The following NRG2 variants were observed in gnomAD, a reference collection of about 807,000 sequenced individuals.
NRG2 encodes the protein pro-neuregulin-2, membrane-bound isoform.
Under a neutral mutation model 73.9 loss-of-function variants are expected in NRG2, and 27 were observed. That is an observed-to-expected ratio of 0.37 (90% CI 0.27 to 0.50). NRG2 has a LOEUF of 0.50. Among genes scored for constraint, NRG2 ranks in the 20% least tolerant of loss-of-function variants. NRG2 has a pLI of 0.96. For synonymous variants in NRG2, 532 were observed against 541.0 expected, an observed-to-expected ratio of 0.98 and a Z score of 0.23; for missense variants, 1,126 against 1,210.1, an observed-to-expected ratio of 0.93 and a Z score of 1.03.
At chr5:139,942,502 T>C (rs1422721463) in intron 1 of NRG2, among the ~76,000 whole-genome samples, 3 of 152,210 alleles carry the variant, frequency 2.0e-5, no homozygotes, top group African/African-American at 7.2e-5. Context: ...TCCGTAGTTA[T>C]TCTACACTAT....
intron 5 of NRG2, among the ~76,000 whole-genome samples, chr5:139,864,759 C>T (rs1762374456): frequency 2.1e-5 from 2 of 94,316 alleles, no homozygotes; most frequent in African/African-American, 1.7e-4. Context: ...CACGTCGGCA[C>T]ACACACACAC....
chr5:140,039,778 G>T (rs1761778141), intron 1 of NRG2, among the ~76,000 whole-genome samples: 1 of 152,140 alleles, frequency 6.6e-6, no homozygotes. Flanking sequence ...CCTGAAACTA[G>T]CTAAACAAAG....
chr5:139,863,883 C>T (rs1037640241), intron 5 of NRG2, among the ~76,000 whole-genome samples: 9 of 152,322 alleles, frequency 5.9e-5, no homozygotes, highest in Non-Finnish European at 8.8e-5. Context: ...CTCTATGCCC[C>T]TGTGGGGTTG....
intron 1 of NRG2, among the ~76,000 whole-genome samples, chr5:139,985,710 A>G (rs1757124198): frequency 6.6e-6 from 1 of 152,134 alleles, no homozygotes; most frequent in Admixed American, 6.5e-5. Context: ...ATCTCAGGGG[A>G]CAGCTTGCCC....
At chr5:139,893,840 A>C (rs1317930789) in intron 1 of NRG2, among the ~76,000 whole-genome samples, 1 of 152,198 alleles carries the variant, frequency 6.6e-6, no homozygotes, top group African/African-American at 2.4e-5. Context: ...ATTTTCCTCC[A>C]GGACGGGCTC....
chr5:140,000,378 C>A (rs951222336), intron 1 of NRG2, among the ~76,000 whole-genome samples: 2 of 152,230 alleles, frequency 1.3e-5, no homozygotes, highest in African/African-American at 4.8e-5. Context: ...TCCAGCTTCC[C>A]CTGCCGCAGA....
At chr5:139,989,453 C>T (rs1242709103) in intron 1 of NRG2, among the ~76,000 whole-genome samples, 1 of 152,018 alleles carries the variant, frequency 6.6e-6, no homozygotes, top group Non-Finnish European at 1.5e-5. Context: ...ATGCCATGTC[C>T]TAACACCTCC....
At chr5:139,950,132 C>G (rs955981589) in intron 1 of NRG2, among the ~76,000 whole-genome samples, 3 of 152,214 alleles carry the variant, frequency 2.0e-5, no homozygotes, top group Admixed American at 2.0e-4. Context: ...GGTAGAGCAG[C>G]CTTTGAACCA....
chr5:139,903,331 A>G (rs1173859444), intron 1 of NRG2, among the ~76,000 whole-genome samples: 1 of 152,222 alleles, frequency 6.6e-6, no homozygotes, highest in Non-Finnish European at 1.5e-5. Flanking sequence ...TAAAATGGAG[A>G]TAGGACCACC....
At chr5:139,956,344 A>C in intron 1 of NRG2, among the ~76,000 whole-genome samples, 1 of 144,732 alleles carries the variant, frequency 6.9e-6, no homozygotes, top group African/African-American at 2.5e-5. Flanking sequence ...CTGACCCCCA[A>C]CTCACAGTAA....
At chr5:139,977,580 T>C (rs1246713743) in intron 1 of NRG2, among the ~76,000 whole-genome samples, 1 of 152,112 alleles carries the variant, frequency 6.6e-6, no homozygotes, top group East Asian at 1.9e-4. Context: ...CTTCACAGAA[T>C]TGGAAAAAAC....
In NRG2 at chr5:139,904,241, G is replaced by A. The variant is rs1581909690; in HGVS notation, c.701-16730C>T. 2 of 1,521,724 alleles carry A rather than the reference G, an allele frequency of 1.3e-6. No individual in the cohort carries two copies. The highest frequency in any genetic ancestry group is 1.2e-5 in the South Asian group (1 of 80,788). 94.3% of individuals were successfully genotyped at this position (1,521,724 alleles called of 1,614,324 possible). A position where few individuals can be genotyped will look rare whatever the true frequency, so the allele number is the denominator to read the frequency against. ...TAGACTCACCCGCGCTGCGCTGGGG[G>A]CGGGTGAGCGGGCGGCAGGTTTCTC... On this transcript the variant is annotated intron_variant, in intron 1 of 9. Coordinates refer to ENST00000361474, the MANE Select transcript of NRG2 (RefSeq NM_004883.3). The surrounding 1 kb of genome is among the most constrained non-coding windows in gnomAD (Gnocchi z 6.0).
At chr5:139,849,918 T>C (rs550393495) in intron 9 of NRG2, among the ~76,000 whole-genome samples, 51 of 152,324 alleles carry the variant, frequency 3.3e-4, no homozygotes, top group Non-Finnish European at 4.4e-4. Context: ...GAAGCCGGTC[T>C]TCCTGTTTAC....
At chr5:139,875,382 C>T (rs1384264707) in intron 3 of NRG2, among the ~76,000 whole-genome samples, 2 of 152,218 alleles carry the variant, frequency 1.3e-5, no homozygotes, top group African/African-American at 2.4e-5. Flanking sequence ...CCATGTCTGA[C>T]ATGTTTACCC....
In NRG2 at chr5:139,865,618, T is replaced by C. The variant is rs978882177; in HGVS notation, c.1120A>G (p.Asn374Asp). Residue 374 changes from asparagine to aspartate, a missense_variant, in exon 5 of 10, where the codon AAT (asparagine) becomes GAT (aspartate). Coordinates refer to ENST00000361474, the MANE Select transcript of NRG2 (RefSeq NM_004883.3). The surrounding 1 kb of genome is among the most constrained non-coding windows in gnomAD (Gnocchi z 5.2). ...GINQLSCKCP[N>D]GFFGQRCLEK... ...AAACATCTCTGTCCGAAGAATCCAT[T>C]TGGACATCTGGAGAAGGAAAAGGGG... is the stretch of plus-strand genomic sequence containing the variant. 2 of 1,608,916 alleles carry C rather than the reference T, an allele frequency of 1.2e-6. No homozygotes were observed. Among genetic ancestry groups the C allele is most frequent in the Non-Finnish European group, 1.7e-6 (2 of 1,178,720 alleles).
chr5:139,938,547 G>A (rs1221524570), intron 1 of NRG2, among the ~76,000 whole-genome samples: 1 of 151,744 alleles, frequency 6.6e-6, no homozygotes, highest in Non-Finnish European at 1.5e-5. Context: ...TAAATTTTTG[G>A]TAGAGATGAA....
At chr5:139,973,838 C>T in intron 1 of NRG2, among the ~76,000 whole-genome samples, 1 of 152,112 alleles carries the variant, frequency 6.6e-6, no homozygotes, top group East Asian at 1.9e-4. Flanking sequence ...GCCTCACATA[C>T]TTTTAAATGA....
At chr5:139,984,254 C>T (rs962538356) in intron 1 of NRG2, among the ~76,000 whole-genome samples, 3 of 152,036 alleles carry the variant, frequency 2.0e-5, no homozygotes, top group Non-Finnish European at 4.4e-5. Context: ...TTATAAATGG[C>T]CTACACTTGG....
chr5:139,864,012 T>C (rs1762315800), intron 5 of NRG2, among the ~76,000 whole-genome samples: 1 of 152,150 alleles, frequency 6.6e-6, no homozygotes, highest in Admixed American at 6.5e-5. Context: ...ACCTACATGG[T>C]CCCCTGGATC....
Sources: allele counts gnomAD v4.1 joint callset (sites outside exome capture counted in the v4.1 genomes callset), GRCh38; gene constraint gnomAD v4.1.1; non-coding constraint Gnocchi (gnomAD v3.1); transcripts MANE v1.5; gene names NCBI Gene and HGNC (gene_info 2026-07-23, HGNC 2026-07-21).